The following SLC7A7 variants were observed in gnomAD, a reference collection of about 807,000 sequenced individuals.
SLC7A7 encodes the protein Y+L amino acid transporter 1.
A neutral mutation model predicts 47.9 loss-of-function variants in SLC7A7; 39 were observed. That is an observed-to-expected ratio of 0.81 (90% CI 0.63 to 1.06). The LOEUF is 1.06. Ranked by LOEUF, SLC7A7 falls within the 50% of genes least tolerant of loss-of-function variation. The probability of loss-of-function intolerance (pLI) is 0.00; values close to 1 mark genes in which losing one functional copy is unlikely to be tolerated. For synonymous variants in SLC7A7, 234 were observed against 242.8 expected (o/e 0.96, Z 0.34); for missense variants, 588 against 632.0 (o/e 0.93, Z 0.75).
At chr14:22,794,519 T>A (rs1889157356) in intron 2 of SLC7A7, among the ~76,000 whole-genome samples, 2 of 152,060 alleles carry the variant, frequency 1.3e-5, no homozygotes, top group South Asian at 4.1e-4. Context: ...AGGTACCAGA[T>A]CTCAAGCCTG....
upstream of SLC7A7, among the ~76,000 whole-genome samples, chr14:22,818,413 C>T (rs886518720): frequency 2.0e-5 from 3 of 151,940 alleles, no homozygotes; most frequent in Non-Finnish European, 4.4e-5. Flanking sequence ...TCAACCACTA[C>T]CTAGCACCCT....
intron 2 of SLC7A7, among the ~76,000 whole-genome samples, chr14:22,806,055 C>T (rs529286704): frequency 2.5e-3 from 344 of 139,850 alleles, no homozygotes; most frequent in African/African-American, 8.8e-3. Context: ...GCAGGAGAAT[C>T]GCTTGAAGCT....
intron 2 of SLC7A7, among the ~76,000 whole-genome samples, chr14:22,809,855 CT>C (rs1253311022): frequency 6.6e-6 from 1 of 151,720 alleles, no homozygotes; most frequent in Non-Finnish European, 1.5e-5. Flanking sequence ...GGTGCAGTGG[CT>C]GTGAAATCCC....
intron 2 of SLC7A7, among the ~76,000 whole-genome samples, chr14:22,790,270 C>T (rs1272500283): frequency 4.4e-5 from 6 of 136,568 alleles, no homozygotes; most frequent in Non-Finnish European, 7.6e-5. Context: ...GTCAAGGCTG[C>T]AGTGATCCTT....
chr14:22,776,198 A>G lies in SLC7A7; in HGVS notation c.891T>C (p.Ala297=). The G allele has an allele frequency of 6.2e-7, 1 of 1,614,216 alleles. No homozygotes were observed. The highest frequency in any genetic ancestry group is 1.3e-5 in the African/African-American group (1 of 75,050). ...TCTGCTAGTGAAAATCCTTTACCAC[A>G]GCAACAGCATCACTGGCCAAGATGT... ...MRDILASDAV[A]VTFADQIFGI... The change falls in exon 5 of 10, where the codon GCT becomes GCC. Residue 297 remains alanine (A), a synonymous_variant. Transcript: ENST00000674313.
At chr14:22,807,447 C>G (rs1267622537) in intron 2 of SLC7A7, among the ~76,000 whole-genome samples, 1 of 152,180 alleles carries the variant, frequency 6.6e-6, no homozygotes, top group Non-Finnish European at 1.5e-5. Context: ...TAGCTCCCAC[C>G]TGTAATCCTA....
intron 2 of SLC7A7, among the ~76,000 whole-genome samples, chr14:22,808,890 A>T (rs533335767): frequency 1.3e-4 from 20 of 152,222 alleles, no homozygotes; most frequent in Non-Finnish European, 5.9e-5. Flanking sequence ...GTGACCAAGA[A>T]AGACAGTAAT....
rs187201460 is a variant in SLC7A7 at position 22,789,116 on chromosome 14, G to A, written c.500-9065C>T. On this transcript the variant is annotated intron_variant, in intron 2 of 9. Coordinates refer to ENST00000674313, the MANE Select transcript of SLC7A7 (RefSeq NM_003982.4). ...CTAATGATTTCCCACCCTTCTGCTCGTACTTCACTAACCAGATTTAACTTA... is the reference window on the plus strand; with the variant it reads ...CTAATGATTTCCCACCCTTCTGCTCATACTTCACTAACCAGATTTAACTTA... Among the ~76,000 whole-genome samples, 20 of 152,220 alleles carry A rather than the reference G, an allele frequency of 1.3e-4. No individual in the cohort carries two copies. The East Asian group carries it at 1.7e-3, about 13-fold the overall frequency.
intron 2 of SLC7A7, among the ~76,000 whole-genome samples, chr14:22,801,735 A>C (rs2039117635): frequency 6.6e-6 from 1 of 152,202 alleles, no homozygotes; most frequent in African/African-American, 2.4e-5. Context: ...AGATTGCGCC[A>C]CTGCACTCCA....
Position 22,775,245 on chromosome 14 carries a change from GGTGTACCATTC to G in SLC7A7, c.1095+188_1095+198del, listed in dbSNP as rs374608281. 0.11 allele frequency among the ~76,000 whole-genome samples: 16,041 copies of G among 152,202 alleles called. 991 individuals are homozygous for G. The highest frequency in any genetic ancestry group is 0.13 in the Non-Finnish European group (8,811 of 68,016). On this transcript the variant is annotated intron_variant, in intron 7 of 9. Coordinates refer to ENST00000674313, the MANE Select transcript of SLC7A7 (RefSeq NM_003982.4). ...ACTTTTTGCCTTATCTTAGAGCAGAGGTGTACCATTCCTTAGAGCATTTGGATTTCCCCTGT... is the reference window on the plus strand; with the variant it reads ...ACTTTTTGCCTTATCTTAGAGCAGAGCTTAGAGCATTTGGATTTCCCCTGT...
Position 22,813,055 on chromosome 14 carries a change from A to C in SLC7A7, c.344T>G (p.Leu115Arg). The change falls in exon 2 of 10, where the codon CTT (leucine) becomes CGT (arginine). Residue 115 changes from leucine to arginine, a missense_variant. Coordinates refer to ENST00000674313, the MANE Select transcript of SLC7A7 (RefSeq NM_003982.4). ...GGAGGTCCAGAGTCTGATGAAAGCA[A>C]GGAATCCTCCAAAGGCCTCCAGGAT... ...AYILEAFGGFLAFIRLWTSLL... is the reference protein window; with the variant it reads ...AYILEAFGGFRAFIRLWTSLL... 3 of 1,614,148 alleles carry C rather than the reference A, an allele frequency of 1.9e-6. No homozygotes were observed. Among genetic ancestry groups the C allele is most frequent in the Non-Finnish European group, 2.5e-6 (3 of 1,180,018 alleles).
intron 2 of SLC7A7, among the ~76,000 whole-genome samples, chr14:22,795,166 G>A (rs2139426309): frequency 6.9e-6 from 1 of 144,446 alleles, no homozygotes; most frequent in East Asian, 2.1e-4. Context: ...CTGCAGCTTG[G>A]ACCAAATGGG....
At chr14:22,815,141 A>G (rs978539556) in intron 1 of SLC7A7, 179 bp downstream of exon 1, 2 of 351,810 alleles carry the variant, frequency 5.7e-6, no homozygotes, top group African/African-American at 2.1e-5. Context: ...CAGGCAGCAC[A>G]TGCTGGAAAA....
intron 2 of SLC7A7, among the ~76,000 whole-genome samples, chr14:22,781,424 C>T (rs2038717635): frequency 1.3e-5 from 2 of 152,196 alleles, no homozygotes; most frequent in Non-Finnish European, 2.9e-5. Context: ...ATTCTACTGA[C>T]TGCCCAAGTT....
At chr14:22,803,801 C>T (rs1266656897) in intron 2 of SLC7A7, among the ~76,000 whole-genome samples, 1 of 152,182 alleles carries the variant, frequency 6.6e-6, no homozygotes, top group Non-Finnish European at 1.5e-5. Flanking sequence ...AAGCCACTCT[C>T]CACCCCTGCA....
intron 2 of SLC7A7, among the ~76,000 whole-genome samples, chr14:22,810,039 C>CAAAAAAAAAAAA (rs34386018): frequency 3.3e-5 from 2 of 60,694 alleles, no homozygotes; most frequent in African/African-American, 1.5e-4. Context: ...AACACTGTCT[C>CAAAAAAAAAAAA]AAAAAAAAAA....
chr14:22,799,448 C>CTTT (rs56375225), intron 2 of SLC7A7, among the ~76,000 whole-genome samples: 929 of 76,106 alleles, frequency 0.012, 3 homozygotes, highest in Middle Eastern at 0.028. Context: ...TTTTTTCTTT[C>CTTT]TTTTTTTTTT....
At chr14:22,810,980 G>GA (rs943494579) in intron 2 of SLC7A7, among the ~76,000 whole-genome samples, 25 of 148,526 alleles carry the variant, frequency 1.7e-4, no homozygotes, top group African/African-American at 2.2e-4. Flanking sequence ...CTCCGTCTCG[G>GA]AAAAAAAAAA....
At chr14:22,793,127 C>A (rs906293438) in intron 2 of SLC7A7, among the ~76,000 whole-genome samples, 4 of 151,692 alleles carry the variant, frequency 2.6e-5, no homozygotes, top group African/African-American at 9.7e-5. Context: ...CCGTGTTAGC[C>A]AGGATGGTCT....
Sources: allele counts gnomAD v4.1 joint callset (sites outside exome capture counted in the v4.1 genomes callset), GRCh38; gene constraint gnomAD v4.1.1; transcripts MANE v1.5; gene names NCBI Gene and HGNC (gene_info 2026-07-23, HGNC 2026-07-21).